C6: variants seen among roughly 807,000 people sequenced by gnomAD.
C6 encodes complement C6.
C6 carries 101 observed loss-of-function variants against 112.9 expected under a neutral mutation model. The observed-to-expected ratio is 0.89, with a 90% confidence interval of 0.76 to 1.06. The LOEUF is 1.06. Ranked by LOEUF, C6 falls within the 50% of genes least tolerant of loss-of-function variation. C6 has a pLI of 0.00. For missense variants in C6, 1,202 were observed against 1,104.6 expected (o/e 1.09, Z -1.25); for synonymous variants, 431 against 384.1 (o/e 1.12, Z -1.43).
intron 5 of C6, among the ~76,000 whole-genome samples, chr5:41,194,844 C>T (rs532188209): frequency 6.6e-6 from 1 of 152,100 alleles, no homozygotes; most frequent in African/African-American, 2.4e-5. Flanking sequence ...GGTAAAACCC[C>T]CAGTGTGCTC....
In C6 at chr5:41,160,129, T is replaced by C; in HGVS notation, c.1684+13A>G. On this transcript the variant is annotated intron_variant, in intron 11 of 17. Coordinates refer to ENST00000337836, the MANE Select transcript of C6 (RefSeq NM_000065.5). ...AAAACTTATCTACCTCACAATAGAT[T>C]CCTGATACTTACTGGATTTATAATC... 6.3e-7 allele frequency: 1 copy of C among 1,594,672 alleles called. No individual in the cohort carries two copies. Among genetic ancestry groups the C allele is most frequent in the Non-Finnish European group, 8.6e-7 (1 of 1,162,402 alleles).
At chr5:41,179,811 T>A (rs1398928451) in intron 7 of C6, among the ~76,000 whole-genome samples, 1 of 151,562 alleles carries the variant, frequency 6.6e-6, no homozygotes, top group Non-Finnish European at 1.5e-5. Flanking sequence ...TATGAATAAA[T>A]AAATGAATGA....
At chr5:41,155,627 G>A (rs1009812401) in intron 13 of C6, among the ~76,000 whole-genome samples, 2 of 152,178 alleles carry the variant, frequency 1.3e-5, no homozygotes, top group Non-Finnish European at 2.9e-5. Flanking sequence ...TACTTGGGAG[G>A]CTGAAGTGGG....
intron 1 of C6, among the ~76,000 whole-genome samples, chr5:41,245,335 G>A (rs765045471): frequency 7.2e-5 from 11 of 152,128 alleles, no homozygotes; most frequent in Non-Finnish European, 1.3e-4. Context: ...TTAGTGACTA[G>A]CCTGACTAAC....
intron 13 of C6, among the ~76,000 whole-genome samples, chr5:41,155,389 T>G (rs958303034): frequency 1.3e-5 from 2 of 152,140 alleles, no homozygotes; most frequent in Non-Finnish European, 2.9e-5. Flanking sequence ...TTTTTTTAAC[T>G]TGAAAACTTG....
chr5:41,143,475 T>G (rs1745535063), intron 17 of C6, among the ~76,000 whole-genome samples: 1 of 152,250 alleles, frequency 6.6e-6, no homozygotes, highest in African/African-American at 2.4e-5. Flanking sequence ...TTTTTAACAT[T>G]GGCATTGCCT....
chr5:41,248,856 G>T (rs1741174626), intron 1 of C6, among the ~76,000 whole-genome samples: 1 of 152,030 alleles, frequency 6.6e-6, no homozygotes, highest in Non-Finnish European at 1.5e-5. Flanking sequence ...CTACTAAAAA[G>T]ACACATGTAC....
At chr5:41,261,110 T>C (rs1742026572) in intron 1 of C6, 1 of 782,094 alleles carries the variant, frequency 1.3e-6, no homozygotes, top group East Asian at 1.3e-4. Flanking sequence ...TCTGGAAATC[T>C]TTTAACCAGC....
chr5:41,249,851 T>C (rs976109755), intron 1 of C6, among the ~76,000 whole-genome samples: 3 of 152,114 alleles, frequency 2.0e-5, no homozygotes, highest in African/African-American at 7.2e-5. Context: ...ATGACTAACT[T>C]ACAGGAGTAC....
chr5:41,253,079 A>G (rs915969351), intron 1 of C6, among the ~76,000 whole-genome samples: 1 of 152,228 alleles, frequency 6.6e-6, no homozygotes, highest in Non-Finnish European at 1.5e-5. Context: ...GAAGAGGGGA[A>G]GAAGGCATGG....
At chr5:41,223,675 T>C (rs558947328) in intron 1 of C6, among the ~76,000 whole-genome samples, 2 of 152,212 alleles carry the variant, frequency 1.3e-5, no homozygotes, top group Non-Finnish European at 2.9e-5. Context: ...ATACATGTCA[T>C]TGAAGGAAAT....
intron 5 of C6, among the ~76,000 whole-genome samples, chr5:41,194,721 G>A (rs1454186756): frequency 7.7e-6 from 1 of 130,646 alleles, no homozygotes; most frequent in Non-Finnish European, 1.8e-5. Context: ...TATCTTTACT[G>A]ATTTTTTCTT....
chr5:41,223,321 T>G (rs1254789627), intron 1 of C6, among the ~76,000 whole-genome samples: 4 of 152,218 alleles, frequency 2.6e-5, no homozygotes, highest in Non-Finnish European at 5.9e-5. Flanking sequence ...AAATCTGTAC[T>G]TGAATAAAAA....
At chr5:41,182,813 A>G (rs1749459054) in intron 6 of C6, among the ~76,000 whole-genome samples, 1 of 152,246 alleles carries the variant, frequency 6.6e-6, no homozygotes, top group Non-Finnish European at 1.5e-5. Flanking sequence ...GACCTTCTTC[A>G]GCCATATCAC....
At chr5:41,217,603 T>G (rs768980346), upstream of C6, among the ~76,000 whole-genome samples, 1 of 152,150 alleles carries the variant, frequency 6.6e-6, no homozygotes, top group African/African-American at 2.4e-5. Flanking sequence ...GAACAATGCA[T>G]AATGATGATA....
intron 5 of C6, among the ~76,000 whole-genome samples, chr5:41,187,340 C>T (rs1749853217): frequency 6.6e-6 from 1 of 152,026 alleles, no homozygotes; most frequent in South Asian, 2.1e-4. Flanking sequence ...ACTCACAAGA[C>T]AAAATGTACC....
intron 1 of C6, among the ~76,000 whole-genome samples, chr5:41,240,254 T>G (rs1217485816): frequency 2.0e-5 from 3 of 152,058 alleles, no homozygotes; most frequent in Non-Finnish European, 2.9e-5. Context: ...ACCAGTCCAG[T>G]TTTGTTGCCC....
intron 1 of C6, among the ~76,000 whole-genome samples, chr5:41,210,147 G>A (rs554561413): frequency 6.6e-6 from 1 of 152,172 alleles, no homozygotes; most frequent in Admixed American, 6.5e-5. Flanking sequence ...ATGGTGTTGG[G>A]AAAACTGGCT....
chr5:41,239,258 C>T (rs530399295), intron 1 of C6, among the ~76,000 whole-genome samples: 7 of 151,616 alleles, frequency 4.6e-5, no homozygotes, highest in East Asian at 1.9e-4. Context: ...GTTACAGGCC[C>T]GTGCCACCAC....
Sources: gnomAD v4.1 joint callset for allele counts (sites outside exome capture counted in the v4.1 genomes callset) on GRCh38, gnomAD v4.1.1 for gene constraint, MANE v1.5 for transcripts, NCBI Gene and HGNC (gene_info 2026-07-23, HGNC 2026-07-21) for gene names.